The following PIK3C3 variants were observed in gnomAD, a reference collection of about 807,000 sequenced individuals.
PIK3C3 encodes the protein PI3-kinase type 3.
Under a neutral mutation model 126.1 loss-of-function variants are expected in PIK3C3, and 95 were observed. That is an observed-to-expected ratio of 0.75 (90% CI 0.64 to 0.89). PIK3C3 has a LOEUF of 0.89. Ranked by LOEUF, PIK3C3 falls within the 40% of genes least tolerant of loss-of-function variation. PIK3C3 has a pLI of 0.00. For missense variants in PIK3C3, 829 were observed against 1,063.2 expected, an observed-to-expected ratio of 0.78 and a Z score of 3.06; for synonymous variants, 374 against 360.0, an observed-to-expected ratio of 1.04 and a Z score of -0.44.
At position 41,992,732 on chromosome 18, in the gene PIK3C3, C is replaced by T. The variant is rs139268651; in HGVS notation, c.715-538C>T. Among the ~76,000 whole-genome samples, 98 of 152,006 alleles carry T rather than the reference C, an allele frequency of 6.4e-4. 1 individual carries two copies. In the East Asian group the frequency reaches 0.019, roughly 29 times the overall value. The stretch of plus-strand genomic sequence containing the variant: ...GTTTAGATTATGTTGAGCAGGTGTC[C>T]CTTTGAGAAACAACGTTGTTGATTC... On this transcript the variant is annotated intron_variant, in intron 6 of 24. Transcript: ENST00000262039.
At chr18:41,991,690 A>G (rs959273417) in intron 6 of PIK3C3, among the ~76,000 whole-genome samples, 5 of 152,230 alleles carry the variant, frequency 3.3e-5, no homozygotes, top group Middle Eastern at 3.4e-3. Context: ...CAGTTTATTT[A>G]TGATCTTTTT....
At chr18:41,992,562 G>A (rs1284311327) in intron 6 of PIK3C3, among the ~76,000 whole-genome samples, 1 of 152,126 alleles carries the variant, frequency 6.6e-6, no homozygotes, top group Non-Finnish European at 1.5e-5. Context: ...CCTTTTTCCA[G>A]TATATTTGGC....
intron 4 of PIK3C3, among the ~76,000 whole-genome samples, chr18:41,980,288 C>A (rs917364227): frequency 1.1e-4 from 17 of 152,112 alleles, no homozygotes; most frequent in African/African-American, 3.9e-4. Flanking sequence ...AAGAAAGTGT[C>A]CTTTCTCCAT....
chr18:42,075,962 C>G (rs1304602413), intron 24 of PIK3C3, among the ~76,000 whole-genome samples: 1 of 149,308 alleles, frequency 6.7e-6, no homozygotes, highest in Non-Finnish European at 1.5e-5. Flanking sequence ...TGTAGATAAC[C>G]CGTGTGCAGT....
chr18:42,029,342 A>G lies in PIK3C3; in HGVS notation c.1608A>G (p.Arg536=). ...CCCTTCAGGGTGATAAGTCTGTCAG[A>G]GTTATGCGTTCTTTGCTGGCTGCAC... The part of the protein sequence containing the change: ...QALLKGDKSV[R]VMRSLLAAQQ... The change falls in exon 15 of 25, where the codon AGA becomes AGG. Residue 536 remains arginine, a synonymous_variant. Coordinates refer to ENST00000262039, the MANE Select transcript of PIK3C3 (RefSeq NM_002647.4). 1.2e-6 allele frequency: 2 copies of G among 1,613,198 alleles called. No individual in the cohort carries two copies. The highest frequency in any genetic ancestry group is 1.7e-6 in the Non-Finnish European group (2 of 1,179,230).
At chr18:42,004,635 GAGAGTGTGTGCACATGCA>G in intron 10 of PIK3C3, 94 bp downstream of exon 10, 1 of 962,044 alleles carries the variant, frequency 1.0e-6, no homozygotes, top group Non-Finnish European at 1.5e-6. Context: ...GAGTGAGAGA[GAGAGTGTGTGCACATGCA>G]AGAGAGATTT....
At chr18:41,983,658 A>G (rs1161086408) in intron 4 of PIK3C3, among the ~76,000 whole-genome samples, 1 of 152,150 alleles carries the variant, frequency 6.6e-6, no homozygotes, top group African/African-American at 2.4e-5. Context: ...TCTATTTCCA[A>G]GGATCACTAT....
chr18:42,046,824 T>C (rs1051221459), intron 20 of PIK3C3, among the ~76,000 whole-genome samples: 3 of 152,144 alleles, frequency 2.0e-5, no homozygotes, highest in Admixed American at 1.3e-4. Context: ...ATTGAAGCAC[T>C]CTAAATTTTC....
At position 42,086,354 on chromosome 18, in the gene PIK3C3, C is replaced by T. The variant is rs1309142282; in HGVS notation, c.*5217C>T. On this transcript the variant is annotated 3_prime_UTR_variant, in exon 25 of 25. Transcript: ENST00000262039. Reference sequence around the variant, plus strand: ...CTGCATTTCCCCAAACCTCAGAACTCCTTGGGCCATCACTGTCAGAGACAT... The same window carrying T: ...CTGCATTTCCCCAAACCTCAGAACTTCTTGGGCCATCACTGTCAGAGACAT... 1 of 152,280 alleles carries T rather than the reference C, an allele frequency of 6.6e-6. No individual in the cohort carries two copies. Among genetic ancestry groups the T allele is most frequent in the Non-Finnish European group, 1.5e-5 (1 of 68,178 alleles). 9.4% of individuals were successfully genotyped at this position (152,280 alleles called of 1,614,324 possible).
chr18:41,970,127 A>G (rs1246659309), intron 3 of PIK3C3, among the ~76,000 whole-genome samples, 200 bp from the exon 4 acceptor site: 1 of 152,184 alleles, frequency 6.6e-6, no homozygotes, highest in East Asian at 1.9e-4. Flanking sequence ...TTGGAGGAGA[A>G]AAGAATGGCA....
chr18:42,071,898 G>C (rs561332530), intron 24 of PIK3C3, among the ~76,000 whole-genome samples: 1 of 152,106 alleles, frequency 6.6e-6, no homozygotes, highest in Admixed American at 6.5e-5. Context: ...CCAAAATAAG[G>C]GTTACCTATG....
chr18:42,051,509 G>T (rs1984801849), intron 21 of PIK3C3, among the ~76,000 whole-genome samples: 1 of 151,694 alleles, frequency 6.6e-6, no homozygotes, highest in Non-Finnish European at 1.5e-5. Context: ...TTATAATTTG[G>T]AATGTCATAT....
chr18:42,021,725 A>G (rs368908915), intron 13 of PIK3C3, among the ~76,000 whole-genome samples: 1 of 152,226 alleles, frequency 6.6e-6, no homozygotes, highest in African/African-American at 2.4e-5. Flanking sequence ...AGCATACCAA[A>G]TCCAAAAATT....
chr18:42,015,711 C>T (rs1983044030), intron 12 of PIK3C3, 145 bp downstream of exon 12: 2 of 633,330 alleles, frequency 3.2e-6, no homozygotes, highest in Non-Finnish European at 2.7e-6. Context: ...ACGTTTATAA[C>T]TTTTCCCCCT....
At position 42,081,443 on chromosome 18, in the gene PIK3C3, A is replaced by G. The variant is rs1986248002; in HGVS notation, c.*306A>G. On this transcript the variant is annotated 3_prime_UTR_variant, in exon 25 of 25. Transcript: ENST00000262039. ...TGTTATGAGAGTTCTGGAGGAAGTAATATGTTGAAATAGTAAAACATTTTA... is the reference window on the plus strand; with the variant it reads ...TGTTATGAGAGTTCTGGAGGAAGTAGTATGTTGAAATAGTAAAACATTTTA... 2 of 294,496 alleles carry G rather than the reference A, an allele frequency of 6.8e-6. No homozygotes were observed. The highest frequency in any genetic ancestry group is 1.0e-4 in the East Asian group (2 of 19,744). The allele number at this position is 294,496 out of a possible 1,614,324, so 18.2% of individuals were successfully genotyped here.
At chr18:42,004,996 C>T (rs907126514) in intron 10 of PIK3C3, among the ~76,000 whole-genome samples, 8 of 152,144 alleles carry the variant, frequency 5.3e-5, no homozygotes, top group East Asian at 1.9e-4. Flanking sequence ...CCTTCAAACT[C>T]GCCTTTTAAA....
intron 3 of PIK3C3, among the ~76,000 whole-genome samples, chr18:41,968,498 T>C (rs1433227739): frequency 6.6e-6 from 1 of 152,200 alleles, no homozygotes; most frequent in Admixed American, 6.5e-5. Flanking sequence ...AGCTAGTCAA[T>C]GCATTTTGTA....
At chr18:41,983,311 T>C (rs1981299874) in intron 4 of PIK3C3, among the ~76,000 whole-genome samples, 1 of 152,066 alleles carries the variant, frequency 6.6e-6, no homozygotes, top group Non-Finnish European at 1.5e-5. Context: ...TATATTTGTA[T>C]TGAGAGTGTA....
intron 24 of PIK3C3, among the ~76,000 whole-genome samples, chr18:42,076,149 T>TATATATATATGCAC (rs1488935372): frequency 3.4e-5 from 3 of 88,626 alleles, no homozygotes; most frequent in South Asian, 6.5e-4. Context: ...TATATGCGCA[T>TATATATATATGCAC]ATATATATAT....
Sources: allele counts gnomAD v4.1 joint callset (sites outside exome capture counted in the v4.1 genomes callset), GRCh38; gene constraint gnomAD v4.1.1; transcripts MANE v1.5; gene names NCBI Gene and HGNC (gene_info 2026-07-23, HGNC 2026-07-21).